The following SOAT1 variants were observed in gnomAD, a reference collection of about 807,000 sequenced individuals.
SOAT1 encodes sterol O-acyltransferase 1, also known as acyl-coenzyme A:cholesterol acyltransferase 1.
SOAT1 carries 55 observed loss-of-function variants against 69.5 expected under a neutral mutation model. The observed-to-expected ratio is 0.79, with a 90% CI of 0.64 to 0.99. The LOEUF is 0.99. Among genes scored for constraint, SOAT1 ranks in the 50% least tolerant of loss-of-function variants. SOAT1 has a pLI of 0.00. For missense variants in SOAT1, 580 were observed against 669.3 expected, an observed-to-expected ratio of 0.87 and a Z score of 1.47; for synonymous variants, 231 against 224.7, an observed-to-expected ratio of 1.03 and a Z score of -0.25.
At chr1:179,325,146 A>ATTTT (rs1665737721) in intron 3 of SOAT1, among the ~76,000 whole-genome samples, 1 of 85,770 alleles carries the variant, frequency 1.2e-5, no homozygotes, top group Admixed American at 1.6e-4. Flanking sequence ...TTTAGTGACT[A>ATTTT]ATTTTTTTTT....
At chr1:179,334,566 G>A (rs940733684) in intron 3 of SOAT1, among the ~76,000 whole-genome samples, 51 of 151,948 alleles carry the variant, frequency 3.4e-4, no homozygotes, top group African/African-American at 9.7e-4. Flanking sequence ...ATTTTGTCTC[G>A]CATATGGATA....
At chr1:179,329,895 C>G (rs1021250474) in intron 3 of SOAT1, among the ~76,000 whole-genome samples, 3 of 152,082 alleles carry the variant, frequency 2.0e-5, no homozygotes, top group Non-Finnish European at 4.4e-5. Context: ...TTAGTAATTT[C>G]TTTTTCTCAT....
intron 7 of SOAT1, among the ~76,000 whole-genome samples, chr1:179,341,525 A>T: frequency 6.6e-6 from 1 of 150,610 alleles, no homozygotes; most frequent in African/African-American, 2.4e-5. Flanking sequence ...TGATAAATAA[A>T]TTACGTTGAA....
chr1:179,345,012 T>C lies in SOAT1; in HGVS notation c.1053T>C (p.Asn351=). 1 of 1,614,150 alleles carries C rather than the reference T, an allele frequency of 6.2e-7. No individual in the cohort carries two copies. The highest frequency in any genetic ancestry group is 1.1e-5 in the South Asian group (1 of 91,086). Residue 351 remains asparagine, a synonymous_variant, in exon 11 of 16, where the codon AAT becomes AAC. Transcript: ENST00000367619. ...GGCTTTGTGCCCCCTTGTTTCGGAATATCAAACAGGAGCCCTTCAGCGCTC... is the reference window on the plus strand; with the variant it reads ...GGCTTTGTGCCCCCTTGTTTCGGAACATCAAACAGGAGCCCTTCAGCGCTC... The part of the protein sequence containing the change: ...FERLCAPLFR[N]IKQEPFSARV...
chr1:179,351,474 A>C lies in SOAT1; in HGVS notation c.1596+12A>C, dbSNP rs756608971. The C allele has an allele frequency of 8.7e-6, 14 of 1,611,630 alleles. No individual in the cohort carries two copies. Among genetic ancestry groups the C allele is most frequent in the Non-Finnish European group, 1.2e-5 (14 of 1,179,238 alleles). On this transcript the variant is annotated intron_variant, in intron 15 of 15. Transcript: ENST00000367619. ...GTCCTCTGAAAAATGTGAGTCACCA[A>C]CCTGGTTGGAGTGCAAAAGAACCTG...
intron 5 of SOAT1, among the ~76,000 whole-genome samples, chr1:179,338,577 A>G (rs1378409162): frequency 6.6e-6 from 1 of 152,232 alleles, no homozygotes; most frequent in Admixed American, 6.5e-5. Context: ...CATGTAATGT[A>G]TAGTGTTAAG....
In SOAT1 at chr1:179,351,348, G is replaced by T; in HGVS notation, c.1482G>T (p.Arg494=). The T allele has an allele frequency of 6.2e-7, 1 of 1,614,080 alleles. No individual in the cohort carries two copies. Among genetic ancestry groups the T allele is most frequent in the Non-Finnish European group, 8.5e-7 (1 of 1,179,986 alleles). ...MAFNFIVNDS[R]KKPIWNVLMW... The stretch of plus-strand genomic sequence containing the variant: ...TCAACTTCATTGTCAATGATAGTCG[G>T]AAAAAGCCGATTTGGAATGTTCTGA... Residue 494 remains arginine, a synonymous_variant, in exon 15 of 16, where the codon CGG becomes CGT. Coordinates refer to ENST00000367619, the MANE Select transcript of SOAT1 (RefSeq NM_003101.6).
At chr1:179,345,747 C>T (rs1340480072) in intron 11 of SOAT1, among the ~76,000 whole-genome samples, 1 of 151,864 alleles carries the variant, frequency 6.6e-6, no homozygotes, top group East Asian at 1.9e-4. Context: ...ACGGGGTCTC[C>T]CTATGTTGCC....
In SOAT1 at chr1:179,347,640, C is replaced by T. The variant is rs1666580016; in HGVS notation, c.1158C>T (p.His386=). 3 of 1,613,464 alleles carry T rather than the reference C, an allele frequency of 1.9e-6. No homozygotes were observed. The highest frequency in any genetic ancestry group is 2.2e-5 in the East Asian group (1 of 44,806). Residue 386 remains histidine, a synonymous_variant, in exon 12 of 16, where the codon CAC becomes CAT. Coordinates refer to ENST00000367619, the MANE Select transcript of SOAT1 (RefSeq NM_003101.6). ...TCCTTACTTTTTTTGCCTTTTTGCA[C>T]TGCTGGCTCAATGCCTTTGCTGAGA... ...ILFLTFFAFL[H]CWLNAFAEML... is the part of the protein sequence containing the mutation.
chr1:179,347,877 T>C (rs1415626667), intron 12 of SOAT1, among the ~76,000 whole-genome samples, 180 bp downstream of exon 12: 1 of 152,232 alleles, frequency 6.6e-6, no homozygotes, highest in African/African-American at 2.4e-5. Flanking sequence ...TAGCATAACC[T>C]TGTGTTTTCT....
At chr1:179,342,713 A>G (rs1666383402) in intron 8 of SOAT1, 149 bp from the exon 9 acceptor site, 1 of 593,962 alleles carries the variant, frequency 1.7e-6, no homozygotes, top group South Asian at 2.3e-5. Context: ...GTGCAAGAAT[A>G]AGAAGTCATT....
At chr1:179,324,326 A>T (rs1248529900) in intron 3 of SOAT1, among the ~76,000 whole-genome samples, 38 of 152,204 alleles carry the variant, frequency 2.5e-4, no homozygotes, top group Admixed American at 2.5e-3. Context: ...GGCCAGGGGC[A>T]TAGTATTTGT....
chr1:179,337,007 AT>A (rs1162583868), intron 4 of SOAT1, among the ~76,000 whole-genome samples: 1 of 148,378 alleles, frequency 6.7e-6, no homozygotes, highest in African/African-American at 2.5e-5. Context: ...AAAAAAAAAA[AT>A]CATATCATTA....
At chr1:179,340,830 T>TAC (rs1666308734) in intron 6 of SOAT1, among the ~76,000 whole-genome samples, 198 bp from the exon 7 acceptor site, 1 of 151,432 alleles carries the variant, frequency 6.6e-6, no homozygotes, top group Non-Finnish European at 1.5e-5. Flanking sequence ...GATATATATA[T>TAC]ATATATATAT....
intron 3 of SOAT1, among the ~76,000 whole-genome samples, chr1:179,331,506 G>T (rs958377005): frequency 2.6e-5 from 4 of 152,314 alleles, no homozygotes; most frequent in Admixed American, 6.5e-5. Flanking sequence ...GGGAGGCCAA[G>T]GCAGGCAGAT....
intron 4 of SOAT1, among the ~76,000 whole-genome samples, chr1:179,336,811 A>G (rs1340613413): frequency 2.0e-5 from 3 of 152,252 alleles, no homozygotes; most frequent in Non-Finnish European, 4.4e-5. Context: ...CCTGGCCAAG[A>G]TGGTGAAACC....
At chr1:179,294,126 CGCCCGGGTCACGGGCAGCCT>C (rs1397046884) in intron 1 of SOAT1, among the ~76,000 whole-genome samples, 190 bp downstream of exon 1, 2 of 152,240 alleles carry the variant, frequency 1.3e-5, no homozygotes, top group African/African-American at 4.8e-5. Flanking sequence ...TACCGTCAGG[CGCCCGGGTCACGGGCAGCCT>C]TTTAAACCCT....
chr1:179,306,226 C>T (rs1051826552), intron 2 of SOAT1, among the ~76,000 whole-genome samples: 2 of 152,162 alleles, frequency 1.3e-5, no homozygotes, highest in Non-Finnish European at 2.9e-5. Context: ...AAGGCTCCAA[C>T]AGCCTCTCAG....
intron 3 of SOAT1, among the ~76,000 whole-genome samples, chr1:179,334,114 G>A (rs1666066249): frequency 6.6e-6 from 1 of 152,198 alleles, no homozygotes; most frequent in Non-Finnish European, 1.5e-5. Flanking sequence ...TAAAGTTATT[G>A]TATTTAGAAG....
Sources: gnomAD v4.1 joint callset for allele counts (sites outside exome capture counted in the v4.1 genomes callset) on GRCh38, gnomAD v4.1.1 for gene constraint, MANE v1.5 for transcripts, NCBI Gene and HGNC (gene_info 2026-07-23, HGNC 2026-07-21) for gene names.